DLGAP1: variants seen among roughly 807,000 people sequenced by gnomAD.
DLGAP1 encodes DLG associated protein 1.
DLGAP1 carries 11 observed loss-of-function variants against 90.8 expected under a neutral mutation model. That is an observed-to-expected ratio of 0.12 (90% CI 0.08 to 0.20). The LOEUF is 0.20. Among genes scored for constraint, DLGAP1 ranks in the 10% least tolerant of loss-of-function variants. The pLI is 1.00. For synonymous variants in DLGAP1, 558 were observed against 540.7 expected (o/e 1.03, Z -0.44); for missense variants, 1,050 against 1,333.8 (o/e 0.79, Z 3.31).
intron 7 of DLGAP1, among the ~76,000 whole-genome samples, chr18:3,623,932 G>C (rs1211237201): frequency 6.6e-6 from 1 of 152,078 alleles, no homozygotes; most frequent in Non-Finnish European, 1.5e-5. Flanking sequence ...GCATTCATCT[G>C]ACCGGTTCAG....
At chr18:3,538,276 A>G (rs2052490922) in intron 9 of DLGAP1, among the ~76,000 whole-genome samples, 1 of 152,210 alleles carries the variant, frequency 6.6e-6, no homozygotes, top group African/African-American at 2.4e-5. Context: ...TACGAAGATA[A>G]ACTAGCCAAA....
chr18:3,762,266 G>T (rs1012133819), intron 5 of DLGAP1, among the ~76,000 whole-genome samples: 12 of 152,184 alleles, frequency 7.9e-5, no homozygotes, highest in Non-Finnish European at 1.5e-5. Flanking sequence ...CTGAAAGACT[G>T]TTGACAACAG....
At chr18:4,018,738 C>A (rs1244411165) in intron 2 of DLGAP1, among the ~76,000 whole-genome samples, 2 of 152,254 alleles carry the variant, frequency 1.3e-5, no homozygotes, top group East Asian at 1.9e-4. Context: ...TAATAATAAA[C>A]CACTCAGAGC....
At chr18:3,973,692 T>C (rs1234492424) in intron 3 of DLGAP1, among the ~76,000 whole-genome samples, 6 of 152,228 alleles carry the variant, frequency 3.9e-5, no homozygotes, top group Non-Finnish European at 5.9e-5. Flanking sequence ...GATAATTTTA[T>C]TCTTTCTGAA....
intron 2 of DLGAP1, among the ~76,000 whole-genome samples, chr18:4,080,734 G>A (rs8094832): frequency 0.71 from 107,707 of 152,012 alleles, 38,721 homozygotes; most frequent in African/African-American, 0.78. Flanking sequence ...CTGTCTTGCC[G>A]CGATAACCCG....
intron 7 of DLGAP1, among the ~76,000 whole-genome samples, chr18:3,585,108 T>C (rs1428780669): frequency 6.6e-6 from 1 of 152,208 alleles, no homozygotes; most frequent in Non-Finnish European, 1.5e-5. Context: ...CTTCCTCATT[T>C]TTTAGCTAAT....
intron 5 of DLGAP1, among the ~76,000 whole-genome samples, chr18:3,758,262 A>T (rs576134980): frequency 6.6e-6 from 1 of 152,304 alleles, no homozygotes; most frequent in South Asian, 2.1e-4. Flanking sequence ...AACCTGACCA[A>T]TGAAATCTGG....
At chr18:3,914,383 T>A (rs2072098321) in intron 3 of DLGAP1, among the ~76,000 whole-genome samples, 1 of 99,428 alleles carries the variant, frequency 1.0e-5, no homozygotes. Flanking sequence ...GTGCCAGGAT[T>A]TCTTTCTTTT....
At chr18:4,199,305 G>C (rs1288754675) in intron 1 of DLGAP1, among the ~76,000 whole-genome samples, 1 of 152,234 alleles carries the variant, frequency 6.6e-6, no homozygotes, top group Admixed American at 6.5e-5. Context: ...CGTAAAGAAA[G>C]AGTGATTGCA....
chr18:3,890,016 C>T (rs1016470564), intron 3 of DLGAP1, among the ~76,000 whole-genome samples: 4 of 152,282 alleles, frequency 2.6e-5, no homozygotes, highest in Admixed American at 2.6e-4. Flanking sequence ...GAGGGTGAGA[C>T]TCTGTGGTCA....
intron 1 of DLGAP1, among the ~76,000 whole-genome samples, chr18:4,452,590 G>A (rs1275420722): frequency 6.6e-6 from 1 of 152,164 alleles, no homozygotes; most frequent in Non-Finnish European, 1.5e-5. Context: ...GGACACTTAA[G>A]CTTAGAAGGA....
chr18:4,401,534 T>A (rs2144529656), intron 1 of DLGAP1, among the ~76,000 whole-genome samples: 1 of 152,280 alleles, frequency 6.6e-6, no homozygotes, highest in East Asian at 1.9e-4. Context: ...GATCAAGAAC[T>A]AGTGATATTT....
At chr18:3,900,758 T>C (rs1261901583) in intron 3 of DLGAP1, among the ~76,000 whole-genome samples, 3 of 152,228 alleles carry the variant, frequency 2.0e-5, no homozygotes. Context: ...AGAAAGCTAT[T>C]TTCTTCAATG....
At chr18:4,409,871 G>A (rs2082739528) in intron 1 of DLGAP1, among the ~76,000 whole-genome samples, 1 of 152,054 alleles carries the variant, frequency 6.6e-6, no homozygotes, top group Non-Finnish European at 1.5e-5. Flanking sequence ...GTTTGTAGCA[G>A]CACAATTCAC....
intron 2 of DLGAP1, among the ~76,000 whole-genome samples, chr18:4,016,448 C>A (rs1360707974): frequency 6.6e-6 from 1 of 152,130 alleles, no homozygotes; most frequent in Non-Finnish European, 1.5e-5. Flanking sequence ...ACACAGAAAA[C>A]CTTGTGTACA....
chr18:3,935,331 A>G (rs1012410648), intron 3 of DLGAP1, among the ~76,000 whole-genome samples: 2 of 151,570 alleles, frequency 1.3e-5, no homozygotes, highest in African/African-American at 4.8e-5. Context: ...TTGAAGATTA[A>G]TTAAGTGTTG....
At chr18:3,672,201 GACAC>G (rs3223621) in intron 7 of DLGAP1, among the ~76,000 whole-genome samples, 22,283 of 143,422 alleles carry the variant, frequency 0.16, 1,959 homozygotes, top group African/African-American at 0.25. Context: ...CTGCTGATTA[GACAC>G]ACACACACAC....
chr18:4,264,378 T>A (rs1031407926), intron 1 of DLGAP1, among the ~76,000 whole-genome samples: 17 of 152,214 alleles, frequency 1.1e-4, no homozygotes, highest in Admixed American at 9.8e-4. Context: ...GGAACAAAGT[T>A]CAATGTCATT....
At chr18:3,959,122 G>A (rs1310269400) in intron 3 of DLGAP1, among the ~76,000 whole-genome samples, 1 of 151,970 alleles carries the variant, frequency 6.6e-6, no homozygotes, top group Non-Finnish European at 1.5e-5. Flanking sequence ...CTTCTTGTCA[G>A]TATTAAATTA....
Sources: allele counts gnomAD v4.1 joint callset (sites outside exome capture counted in the v4.1 genomes callset), GRCh38; gene constraint gnomAD v4.1.1; transcripts MANE v1.5; gene names NCBI Gene and HGNC (gene_info 2026-07-23, HGNC 2026-07-21).